The following ZNF467 variants were observed in gnomAD, a reference collection of about 807,000 sequenced individuals.
The protein encoded by ZNF467 is zinc finger protein EZI.
Under a neutral mutation model 47.8 loss-of-function variants are expected in ZNF467, and 51 were observed. The ratio of observed to expected loss-of-function variants is 1.07; its 90% CI spans 0.85 to 1.35. The LOEUF (loss-of-function observed/expected upper bound fraction) is 1.35, where lower values mean the gene tolerates loss of function less well. ZNF467 is among the 40% of genes most tolerant of loss of function. ZNF467 has a pLI of 0.00. For missense variants in ZNF467, 992 were observed against 858.1 expected (o/e 1.16, Z -1.95); for synonymous variants, 416 against 372.9 (o/e 1.12, Z -1.33).
chr7:149,764,798 G>A lies in ZNF467; in HGVS notation c.1704C>T (p.Ala568=), dbSNP rs750372082. 3.7e-5 allele frequency: 57 copies of A among 1,525,480 alleles called. No individual in the cohort carries two copies. The highest frequency in any genetic ancestry group is 4.7e-5 in the Non-Finnish European group (54 of 1,137,930). The allele number at this position is 1,525,480 out of a possible 1,614,324, so 94.5% of individuals were successfully genotyped here. Residue 568 remains alanine, a synonymous_variant, in exon 5 of 5, where the codon GCC becomes GCT. Transcript: ENST00000302017. Reference sequence around the variant, plus strand: ...GGGCGGCGTCCGGGGCCGCGTGGGCGGCTTCGCCGTGAATGAGCTGGTGCC... The same window carrying A: ...GGGCGGCGTCCGGGGCCGCGTGGGCAGCTTCGCCGTGAATGAGCTGGTGCC... ...LVRHQLIHGE[A]AHAAPDAALA...
intron 2 of ZNF467, 123 bp downstream of exon 2, chr7:149,770,876 G>T: frequency 1.6e-6 from 2 of 1,249,374 alleles, no homozygotes; most frequent in Non-Finnish European, 2.3e-6. Flanking sequence ...AAAGGAGGCT[G>T]ACCTACAGGC....
Position 149,765,000 on chromosome 7 carries a change from T to G in ZNF467, c.1502A>C (p.His501Pro), listed in dbSNP as rs1301354318. The G allele has an allele frequency of 6.3e-7, 1 of 1,588,960 alleles. No individual in the cohort carries two copies. The highest frequency in any genetic ancestry group is 2.3e-5 in the East Asian group (1 of 44,342). ...GTGCACCGCCTGGTGGCGGCCCAGGTGCGACTTGCGGCTGAAGCGGCGGCC... is the reference window on the plus strand; with the variant it reads ...GTGCACCGCCTGGTGGCGGCCCAGGGGCGACTTGCGGCTGAAGCGGCGGCC... ...QCGRRFSRKS[H>P]LGRHQAVHTG... The change falls in exon 5 of 5, where the codon CAC (histidine) becomes CCC (proline). Residue 501 changes from histidine (H) to proline (P), a missense_variant. Coordinates refer to ENST00000302017, the MANE Select transcript of ZNF467 (RefSeq NM_207336.3).
upstream of ZNF467, among the ~76,000 whole-genome samples, chr7:149,774,129 G>C (rs1394165595): frequency 6.6e-6 from 1 of 151,974 alleles, no homozygotes; most frequent in African/African-American, 2.4e-5. The surrounding 1 kb of genome is among the most constrained non-coding windows in gnomAD (Gnocchi z 5.7). Context: ...AGGGCTCTAT[G>C]GGCGGGAGAC....
chr7:149,770,655 T>C (rs1799374124), intron 2 of ZNF467, 99 bp from the exon 3 acceptor site: 1 of 1,002,394 alleles, frequency 1.0e-6, no homozygotes, highest in Admixed American at 2.2e-5. Flanking sequence ...CCAAGAGACT[T>C]TTCCCAACCT....
At position 149,770,560 on chromosome 7, in the gene ZNF467, T is replaced by G; in HGVS notation, c.35-4A>C. ...TCTGGCTGTCCCACAGAGAATCCTGTTACAGGCAGAAGGATGGGTCCAAGT... is the reference window on the plus strand; with the variant it reads ...TCTGGCTGTCCCACAGAGAATCCTGGTACAGGCAGAAGGATGGGTCCAAGT... On this transcript the variant is annotated splice_polypyrimidine_tract_variant and splice_region_variant and intron_variant, in intron 2 of 4. Transcript: ENST00000302017. 1 of 1,610,458 alleles carries G rather than the reference T, an allele frequency of 6.2e-7. No individual in the cohort carries two copies. Among genetic ancestry groups the G allele is most frequent in the South Asian group, 1.1e-5 (1 of 90,690 alleles).
chr7:149,769,831 C>T lies in ZNF467; in HGVS notation c.151+609G>A, dbSNP rs565972661. 1.2e-3 allele frequency among the ~76,000 whole-genome samples: 178 copies of T among 152,308 alleles called. 1 individual carries two copies. The highest frequency in any genetic ancestry group is 4.1e-3 in the African/African-American group (169 of 41,550). On this transcript the variant is annotated intron_variant, in intron 3 of 4. Coordinates refer to ENST00000302017, the MANE Select transcript of ZNF467 (RefSeq NM_207336.3). The surrounding 1 kb of genome is among the most constrained non-coding windows in gnomAD (Gnocchi z 5.3). The stretch of plus-strand genomic sequence containing the variant: ...AAGTAGCTGGGAACACAGGCATGAG[C>T]CACCACATCCAGCTAACTTTTAATT...
rs867166935 is a variant in ZNF467 at position 149,765,804 on chromosome 7, C to T, written c.698G>A (p.Arg233His). The T allele has an allele frequency of 4.3e-6, 7 of 1,610,154 alleles. No individual in the cohort carries two copies. Among genetic ancestry groups the T allele is most frequent in the Non-Finnish European group, 5.9e-6 (7 of 1,178,518 alleles). ...CTCGCCCGTGTGCGTGCGCAGGTGGCGGGTCAGATGGGCCTTCTTGCTGAA... is the reference window on the plus strand; with the variant it reads ...CTCGCCCGTGTGCGTGCGCAGGTGGTGGGTCAGATGGGCCTTCTTGCTGAA... ...KRFSKKAHLT[R>H]HLRTHTGERP... Residue 233 changes from arginine (R) to histidine (H), a missense_variant, in exon 5 of 5, where the codon CGC becomes CAC. Coordinates refer to ENST00000302017, the MANE Select transcript of ZNF467 (RefSeq NM_207336.3).
chr7:149,767,185 G>A (rs1206256060), intron 4 of ZNF467, among the ~76,000 whole-genome samples: 5 of 152,218 alleles, frequency 3.3e-5, no homozygotes, highest in Admixed American at 1.3e-4. Context: ...TTCTTAGTCC[G>A]CTAAGAAAAT....
At chr7:149,768,502 A>G (rs1182938356) in intron 4 of ZNF467, among the ~76,000 whole-genome samples, 1 of 152,232 alleles carries the variant, frequency 6.6e-6, no homozygotes, top group African/African-American at 2.4e-5. Context: ...ACTGTACTTA[A>G]CACAGCCTGT....
upstream of ZNF467, chr7:149,776,511 G>A: frequency 2.3e-6 from 3 of 1,311,730 alleles, no homozygotes; most frequent in Non-Finnish European, 3.0e-6. Flanking sequence ...CAGCGCCTGG[G>A]CTCTGTCCTA....
Position 149,765,965 on chromosome 7 carries a change from C to G in ZNF467, c.537G>C (p.Gln179His). 1 of 1,553,874 alleles carries G rather than the reference C, an allele frequency of 6.4e-7. No individual in the cohort carries two copies. Among genetic ancestry groups the G allele is most frequent in the Non-Finnish European group, 8.7e-7 (1 of 1,149,622 alleles). The change falls in exon 5 of 5, where the codon CAG (glutamine) becomes CAC (histidine). Residue 179 changes from glutamine (Q) to histidine (H), a missense_variant. Physicochemically the swap from Gln to His is conservative, Grantham distance 24. Coordinates refer to ENST00000302017, the MANE Select transcript of ZNF467 (RefSeq NM_207336.3). ...FRDQLTLRLH[Q>H]RLHRGEGPCA... ...AGGGGCCCTCGCCCCGGTGCAGCCG[C>G]TGGTGCAGTCGCAACGTCAGCTGGT...
Position 149,771,062 on chromosome 7 carries a change from C to T in ZNF467, c.-30G>A. 1 of 1,613,974 alleles carries T rather than the reference C, an allele frequency of 6.2e-7. No individual in the cohort carries two copies. The highest frequency in any genetic ancestry group is 8.5e-7 in the Non-Finnish European group (1 of 1,179,900). On this transcript the variant is annotated 5_prime_UTR_variant, in exon 2 of 5. Coordinates refer to ENST00000302017, the MANE Select transcript of ZNF467 (RefSeq NM_207336.3). ...ACCCAGAGTAGCTCCTCCTGGGGATCAGGCCACAGAACCTATGGAGAAAAG... is the reference window on the plus strand; with the variant it reads ...ACCCAGAGTAGCTCCTCCTGGGGATTAGGCCACAGAACCTATGGAGAAAAG...
chr7:149,766,127 A>T lies in ZNF467; in HGVS notation c.375T>A (p.Pro125=). The change falls in exon 5 of 5, where the codon CCT becomes CCA. Residue 125 remains proline (P), a synonymous_variant. Coordinates refer to ENST00000302017, the MANE Select transcript of ZNF467 (RefSeq NM_207336.3). ...LSLLPSPFPA[P]DLGHLAAAYK... ...ACGCGGCAGCCAGATGCCCCAGGTC[A>T]GGCGCGGGAAAGGGGCTGGGAAGTA... 6.2e-7 allele frequency: 1 copy of T among 1,605,158 alleles called. No individual in the cohort carries two copies. Among genetic ancestry groups the T allele is most frequent in the Non-Finnish European group, 8.5e-7 (1 of 1,174,170 alleles).
In ZNF467 at chr7:149,765,384, T is replaced by C. The variant is rs1334074898; in HGVS notation, c.1118A>G (p.His373Arg). The change falls in exon 5 of 5, where the codon CAC (histidine) becomes CGC (arginine). Residue 373 changes from histidine to arginine, a missense_variant. By Grantham distance (29) the His-to-Arg change is conservative. Coordinates refer to ENST00000302017, the MANE Select transcript of ZNF467 (RefSeq NM_207336.3). Reference protein sequence around the residue: ...SFGWKKNLATHQCLHRSEGRP... With the variant: ...SFGWKKNLATRQCLHRSEGRP... ...ACCCTCGCTGCGGTGCAGACACTGG[T>C]GCGTGGCGAGGTTCTTTTTCCAGCC... 7 of 1,566,176 alleles carry C rather than the reference T, an allele frequency of 4.5e-6. No individual in the cohort carries two copies. In the South Asian group the frequency reaches 8.2e-5, roughly 18 times the overall value.
upstream of ZNF467, chr7:149,776,506 C>T (rs1393299576): frequency 7.6e-7 from 1 of 1,313,720 alleles, no homozygotes; most frequent in Admixed American, 2.2e-5. Flanking sequence ...GTCCCCAGCG[C>T]CTGGGCTCTG....
rs1799322128 is a variant in ZNF467 at position 149,769,454 on chromosome 7, G to A, written c.152-254C>T. On this transcript the variant is annotated intron_variant, in intron 3 of 4. Transcript: ENST00000302017. This position sits in a 1 kb window ranked among gnomAD's most constrained non-coding sequence, Gnocchi z 5.3. ...AGGTTACAAGAGCCACCACTGTGAA[G>A]AGTTCCTGGAATATGTGTATGTAAG... 6.6e-6 allele frequency among the ~76,000 whole-genome samples: 1 copy of A among 152,126 alleles called. No individual in the cohort carries two copies. Among genetic ancestry groups the A allele is most frequent in the Non-Finnish European group, 1.5e-5 (1 of 68,022 alleles).
At chr7:149,775,676 T>C (rs1355414340), upstream of ZNF467, among the ~76,000 whole-genome samples, 2 of 151,480 alleles carry the variant, frequency 1.3e-5, no homozygotes. Flanking sequence ...GAGCCCCATG[T>C]TAATTTGTGG....
chr7:149,775,105 C>T (rs1057029320), upstream of ZNF467, among the ~76,000 whole-genome samples: 20 of 152,292 alleles, frequency 1.3e-4, no homozygotes, highest in South Asian at 4.1e-4. Flanking sequence ...TTATTTCATC[C>T]GGCTTAGCTC....
chr7:149,765,122 G>C lies in ZNF467; in HGVS notation c.1380C>G (p.Ala460=), dbSNP rs1196828363. 6.8e-7 allele frequency: 1 copy of C among 1,479,906 alleles called. No homozygotes were observed. Among genetic ancestry groups the C allele is most frequent in the East Asian group, 2.7e-5 (1 of 36,876 alleles). The allele number at this position is 1,479,906 out of a possible 1,614,324, so 91.7% of individuals were successfully genotyped here. Reference sequence around the variant, plus strand: ...CGAAGCGGCGGTCACACTGCGTGCAGGCGAAGGGCCGTTCGCCCGTGTGCA... The same window carrying C: ...CGAAGCGGCGGTCACACTGCGTGCACGCGAAGGGCCGTTCGCCCGTGTGCA... ...PRVHTGERPF[A]CTQCDRRFGS... is the part of the protein sequence containing the mutation. Residue 460 remains alanine, a synonymous_variant, in exon 5 of 5, where the codon GCC becomes GCG. Transcript: ENST00000302017.
Sources: allele counts gnomAD v4.1 joint callset (sites outside exome capture counted in the v4.1 genomes callset), GRCh38; gene constraint gnomAD v4.1.1; non-coding constraint Gnocchi (gnomAD v3.1); transcripts MANE v1.5; gene names NCBI Gene and HGNC (gene_info 2026-07-23, HGNC 2026-07-21).